The following FHIT variants were observed in gnomAD, a reference collection of about 807,000 sequenced individuals.
FHIT encodes the protein bis(5'-adenosyl)-triphosphatase.
FHIT carries 19 observed loss-of-function variants against 17.9 expected under a neutral mutation model. The ratio of observed to expected loss-of-function variants is 1.06; its 90% CI spans 0.74 to 1.56. The LOEUF (loss-of-function observed/expected upper bound fraction) is 1.56, where lower values mean the gene tolerates loss of function less well. FHIT is among the 40% of genes most tolerant of loss of function. FHIT has a pLI of 0.00. For missense variants in FHIT, 248 were observed against 189.2 expected, an observed-to-expected ratio of 1.31 and a Z score of -1.82; for synonymous variants, 81 against 69.7, an observed-to-expected ratio of 1.16 and a Z score of -0.81.
At chr3:61,202,858 C>T (rs976231640) in intron 1 of FHIT, among the ~76,000 whole-genome samples, 1 of 152,056 alleles carries the variant, frequency 6.6e-6, no homozygotes, top group South Asian at 2.1e-4. Flanking sequence ...TTGAGACCAG[C>T]CTGGCCAACG....
At chr3:60,784,818 G>T (rs1700508991) in intron 4 of FHIT, among the ~76,000 whole-genome samples, 1 of 152,206 alleles carries the variant, frequency 6.6e-6, no homozygotes, top group Non-Finnish European at 1.5e-5. Context: ...TTGTGAATGG[G>T]ATTAGTGCCC....
intron 7 of FHIT, among the ~76,000 whole-genome samples, chr3:59,954,607 G>A (rs192120588): frequency 1.1e-3 from 163 of 152,296 alleles, no homozygotes; most frequent in Non-Finnish European, 2.1e-3. Flanking sequence ...AACAGCCTGA[G>A]TAAATGCCTA....
At chr3:60,243,302 C>G (rs1159584568) in intron 5 of FHIT, among the ~76,000 whole-genome samples, 1 of 152,066 alleles carries the variant, frequency 6.6e-6, no homozygotes, top group Non-Finnish European at 1.5e-5. Flanking sequence ...ACAAAAGGGA[C>G]AAGATCCCCA....
chr3:59,923,579 A>G (rs1032929818), intron 7 of FHIT, among the ~76,000 whole-genome samples: 3 of 152,120 alleles, frequency 2.0e-5, no homozygotes, highest in Admixed American at 2.0e-4. Flanking sequence ...AATAGCCTCT[A>G]TTGTACCTCG....
intron 3 of FHIT, among the ~76,000 whole-genome samples, chr3:60,984,251 G>C (rs1710620006): frequency 6.6e-6 from 1 of 152,146 alleles, no homozygotes; most frequent in African/African-American, 2.4e-5. Context: ...ACAGAGCAAA[G>C]TTTATTTCAT....
chr3:60,858,970 T>A (rs2594125), intron 3 of FHIT, among the ~76,000 whole-genome samples: 1 of 152,152 alleles, frequency 6.6e-6, no homozygotes, highest in African/African-American at 2.4e-5. Context: ...CTATTCATCT[T>A]TGATCCAGAC....
At chr3:60,535,537 G>A (rs1274766836) in intron 5 of FHIT, among the ~76,000 whole-genome samples, 1 of 149,506 alleles carries the variant, frequency 6.7e-6, no homozygotes, top group Non-Finnish European at 1.5e-5. Flanking sequence ...ATACACAATT[G>A]GTATTAAAAT....
chr3:60,732,684 C>CTTTTTT (rs3038041), intron 4 of FHIT: 2,621 of 178,082 alleles, frequency 0.015, 16 homozygotes, highest in Non-Finnish European at 0.018. Context: ...GCAAAGACTG[C>CTTTTTT]TTTTTTTTTT....
intron 2 of FHIT, among the ~76,000 whole-genome samples, chr3:61,074,371 T>C (rs1262260084): frequency 2.6e-5 from 4 of 152,206 alleles, no homozygotes; most frequent in Admixed American, 1.3e-4. Context: ...AAATACAAAT[T>C]GTGCACCTAC....
intron 5 of FHIT, among the ~76,000 whole-genome samples, chr3:60,054,030 A>G (rs1435934737): frequency 4.6e-5 from 7 of 152,212 alleles, no homozygotes; most frequent in African/African-American, 1.7e-4. Flanking sequence ...AATCACACAT[A>G]TTTATTGAGA....
chr3:60,636,417 G>T (rs762693), intron 4 of FHIT, among the ~76,000 whole-genome samples: 1 of 151,896 alleles, frequency 6.6e-6, no homozygotes, highest in African/African-American at 2.4e-5. Context: ...GATCCTCAAG[G>T]TTACCAGACT....
chr3:60,221,195 A>G (rs1421390939), intron 5 of FHIT, among the ~76,000 whole-genome samples: 2 of 152,200 alleles, frequency 1.3e-5, no homozygotes, highest in East Asian at 3.8e-4. Context: ...AGTAACTGCT[A>G]TGTCTAGTTT....
At chr3:60,308,302 T>C (rs1255706393) in intron 5 of FHIT, among the ~76,000 whole-genome samples, 1 of 151,596 alleles carries the variant, frequency 6.6e-6, no homozygotes, top group African/African-American at 2.4e-5. Flanking sequence ...AAAGAGGCGA[T>C]TGAGCTTACT....
chr3:60,602,922 C>T (rs1300455069), intron 4 of FHIT, among the ~76,000 whole-genome samples: 1 of 152,084 alleles, frequency 6.6e-6, no homozygotes, highest in Non-Finnish European at 1.5e-5. Context: ...TGCCAGACAC[C>T]AAATCTGCCG....
intron 8 of FHIT, among the ~76,000 whole-genome samples, chr3:59,884,492 GACA>G (rs1703537273): frequency 6.6e-6 from 1 of 152,110 alleles, no homozygotes; most frequent in Non-Finnish European, 1.5e-5. Context: ...CTTTTCTAGG[GACA>G]ACTTTATTAT....
intron 3 of FHIT, among the ~76,000 whole-genome samples, chr3:61,012,292 A>G (rs2031834716): frequency 6.6e-6 from 1 of 152,182 alleles, no homozygotes; most frequent in South Asian, 2.1e-4. Flanking sequence ...CAGGAAAAAG[A>G]GAAATTGAAT....
intron 5 of FHIT, among the ~76,000 whole-genome samples, chr3:60,477,430 G>C (rs188422947): frequency 6.6e-6 from 1 of 152,074 alleles, no homozygotes; most frequent in Non-Finnish European, 1.5e-5. Flanking sequence ...TCTTTTGCTG[G>C]GTTTTCTATT....
At chr3:60,365,831 T>C (rs186575458) in intron 5 of FHIT, among the ~76,000 whole-genome samples, 5 of 152,318 alleles carry the variant, frequency 3.3e-5, no homozygotes, top group African/African-American at 1.2e-4. Flanking sequence ...ATTGATTTCA[T>C]TATGGAACAT....
chr3:60,471,340 G>A (rs1468242276), intron 5 of FHIT, among the ~76,000 whole-genome samples: 2 of 152,174 alleles, frequency 1.3e-5, no homozygotes, highest in African/African-American at 4.8e-5. Flanking sequence ...GAACTTCAGA[G>A]CACTTTAGCC....
Sources: gnomAD v4.1 joint callset for allele counts (sites outside exome capture counted in the v4.1 genomes callset) on GRCh38, gnomAD v4.1.1 for gene constraint, MANE v1.5 for transcripts, NCBI Gene and HGNC (gene_info 2026-07-23, HGNC 2026-07-21) for gene names.